EYS: variants seen among roughly 807,000 people sequenced by gnomAD.
EYS encodes the protein protein eyes shut homolog.
A neutral mutation model predicts 282.1 loss-of-function variants in EYS; 250 were observed. The ratio of observed to expected loss-of-function variants is 0.89; its 90% CI spans 0.80 to 0.98. The LOEUF (loss-of-function observed/expected upper bound fraction) is 0.98, where lower values mean the gene tolerates loss of function less well. Among genes scored for constraint, EYS ranks in the 50% least tolerant of loss-of-function variants. EYS has a pLI of 0.00. For synonymous variants in EYS, 1,355 were observed against 1,282.9 expected (o/e 1.06, Z -1.20); for missense variants, 4,016 against 3,709.0 (o/e 1.08, Z -2.15).
At chr6:64,939,568 A>T (rs1769019962) in intron 15 of EYS, among the ~76,000 whole-genome samples, 1 of 151,962 alleles carries the variant, frequency 6.6e-6, no homozygotes, top group Non-Finnish European at 1.5e-5. Context: ...AATTAATACC[A>T]TGTTGGACAA....
intron 10 of EYS, among the ~76,000 whole-genome samples, chr6:65,341,072 C>G (rs1260305493): frequency 6.6e-6 from 1 of 151,132 alleles, no homozygotes; most frequent in Non-Finnish European, 1.5e-5. Flanking sequence ...GTCTTCATCA[C>G]TTTTTCAGGT....
At chr6:64,524,217 T>G (rs920752335) in intron 26 of EYS, among the ~76,000 whole-genome samples, 6 of 151,756 alleles carry the variant, frequency 4.0e-5, no homozygotes, top group Non-Finnish European at 8.9e-5. Flanking sequence ...TATATTTTTT[T>G]GCCATGATGA....
At chr6:65,408,277 T>G in intron 5 of EYS, among the ~76,000 whole-genome samples, 1 of 152,116 alleles carries the variant, frequency 6.6e-6, no homozygotes, top group Admixed American at 6.6e-5. Flanking sequence ...TCTTTGGTTT[T>G]GGTATGAGGG....
intron 18 of EYS, among the ~76,000 whole-genome samples, chr6:64,890,522 T>C (rs1418691567): frequency 1.3e-5 from 2 of 152,040 alleles, no homozygotes; most frequent in Non-Finnish European, 2.9e-5. Context: ...TTAAGGAAAA[T>C]AGAAAAGAAC....
intron 1 of EYS, among the ~76,000 whole-genome samples, chr6:65,690,882 T>C (rs2149844600): frequency 6.7e-6 from 1 of 150,234 alleles, no homozygotes; most frequent in African/African-American, 2.4e-5. Flanking sequence ...GCTTTCCAGC[T>C]TCAACCATGT....
intron 35 of EYS, among the ~76,000 whole-genome samples, chr6:63,955,096 T>C (rs1228968656): frequency 6.6e-6 from 1 of 152,168 alleles, no homozygotes; most frequent in Non-Finnish European, 1.5e-5. Context: ...ACACTTTCAC[T>C]GAATGAGTAG....
At chr6:63,897,411 A>G (rs966397937) in intron 35 of EYS, among the ~76,000 whole-genome samples, 1 of 152,180 alleles carries the variant, frequency 6.6e-6, no homozygotes, top group African/African-American at 2.4e-5. Context: ...GGATCCTTGT[A>G]AGGGAGAGAC....
intron 1 of EYS, among the ~76,000 whole-genome samples, chr6:65,678,239 T>TGAGCCAAACATTAC (rs1768694002): frequency 1.3e-5 from 2 of 151,914 alleles, no homozygotes; most frequent in Non-Finnish European, 2.9e-5. Context: ...TAATGAGGGA[T>TGAGCCAAACATTAC]CTGCCCCCAT....
At chr6:65,462,847 T>C (rs1210863026) in intron 5 of EYS, among the ~76,000 whole-genome samples, 4 of 152,278 alleles carry the variant, frequency 2.6e-5, no homozygotes, top group African/African-American at 9.6e-5. Flanking sequence ...ATTTTTAACA[T>C]GTACACATTT....
At chr6:64,006,931 C>A (rs947425888) in intron 33 of EYS, among the ~76,000 whole-genome samples, 1 of 152,024 alleles carries the variant, frequency 6.6e-6, no homozygotes, top group Admixed American at 6.6e-5. Flanking sequence ...TGATGTTCAT[C>A]GAAGATATTG....
intron 33 of EYS, among the ~76,000 whole-genome samples, chr6:64,062,069 C>G (rs1253155670): frequency 1.3e-5 from 2 of 152,018 alleles, no homozygotes; most frequent in African/African-American, 4.8e-5. Flanking sequence ...AAAAAGGAAC[C>G]TAACTCACAT....
At chr6:64,405,980 A>G (rs1205247174) in intron 28 of EYS, among the ~76,000 whole-genome samples, 1 of 152,012 alleles carries the variant, frequency 6.6e-6, no homozygotes, top group Non-Finnish European at 1.5e-5. Context: ...CATGGAACCA[A>G]AAAAAAATCC....
chr6:64,937,358 CT>C (rs1165444103), intron 15 of EYS, among the ~76,000 whole-genome samples: 2 of 151,432 alleles, frequency 1.3e-5, no homozygotes, highest in Non-Finnish European at 3.0e-5. Flanking sequence ...AAAAAGATAA[CT>C]CACATAATGG....
At chr6:64,887,148 G>A (rs1341306077) in intron 18 of EYS, among the ~76,000 whole-genome samples, 1 of 151,646 alleles carries the variant, frequency 6.6e-6, no homozygotes, top group African/African-American at 2.4e-5. Flanking sequence ...GATGAAGCTG[G>A]AAACCATCAT....
At chr6:64,803,066 A>T (rs529313580) in intron 22 of EYS, among the ~76,000 whole-genome samples, 1 of 152,308 alleles carries the variant, frequency 6.6e-6, no homozygotes, top group South Asian at 2.1e-4. Context: ...AGGGGAATGC[A>T]GTGGTTCCCA....
intron 29 of EYS, among the ~76,000 whole-genome samples, chr6:64,348,022 T>C (rs1771476999): frequency 6.6e-6 from 1 of 151,444 alleles, no homozygotes; most frequent in African/African-American, 2.4e-5. Flanking sequence ...AAACGAGATC[T>C]TGTGTTTATA....
intron 26 of EYS, among the ~76,000 whole-genome samples, chr6:64,446,626 T>G (rs1775126128): frequency 6.6e-6 from 1 of 152,094 alleles, no homozygotes; most frequent in African/African-American, 2.4e-5. Flanking sequence ...ATCAAGTATT[T>G]TTTATAGTTA....
chr6:65,578,909 A>G (rs192537755), intron 2 of EYS, among the ~76,000 whole-genome samples: 1 of 152,264 alleles, frequency 6.6e-6, no homozygotes, highest in East Asian at 1.9e-4. Context: ...ATTACAACGT[A>G]CCCCATTCTC....
At chr6:65,535,255 G>A (rs1767921752) in intron 2 of EYS, among the ~76,000 whole-genome samples, 1 of 152,106 alleles carries the variant, frequency 6.6e-6, no homozygotes, top group Admixed American at 6.6e-5. Flanking sequence ...GCTTGATATG[G>A]TTTGGCTGTG....
Sources: allele counts gnomAD v4.1 joint callset (sites outside exome capture counted in the v4.1 genomes callset), GRCh38; gene constraint gnomAD v4.1.1; transcripts MANE v1.5; gene names NCBI Gene and HGNC (gene_info 2026-07-23, HGNC 2026-07-21).